CDC14A: variants seen among roughly 807,000 people sequenced by gnomAD.
CDC14A encodes the protein dual specificity protein phosphatase CDC14A.
Under a neutral mutation model 74.4 loss-of-function variants are expected in CDC14A, and 53 were observed. The ratio of observed to expected loss-of-function variants is 0.71; its 90% CI spans 0.57 to 0.89. CDC14A has a LOEUF of 0.89. Among genes scored for constraint, CDC14A ranks in the 40% least tolerant of loss-of-function variants. The probability of loss-of-function intolerance (pLI) is 0.00; values close to 1 mark genes in which losing one functional copy is unlikely to be tolerated. For synonymous variants in CDC14A, 247 were observed against 258.4 expected (o/e 0.96, Z 0.43); for missense variants, 646 against 713.7 (o/e 0.91, Z 1.08).
chr1:100,442,894 C>G (rs758710898), intron 6 of CDC14A, 40 bp from the exon 7 acceptor site: 2 of 1,308,056 alleles, frequency 1.5e-6, no homozygotes, highest in Non-Finnish European at 2.2e-6. Context: ...TAGAGTTTAT[C>G]AATTTAGCAT....
intron 3 of CDC14A, among the ~76,000 whole-genome samples, chr1:100,390,515 A>G (rs1461929817): frequency 6.6e-6 from 1 of 152,166 alleles, no homozygotes; most frequent in Non-Finnish European, 1.5e-5. Context: ...GGAGAGAAAG[A>G]TATTAATTAT....
intron 5 of CDC14A, among the ~76,000 whole-genome samples, chr1:100,429,206 A>AAAAAAAATAAATAAATAAAT (rs1553182243): frequency 8.8e-6 from 1 of 113,418 alleles, no homozygotes; most frequent in African/African-American, 5.2e-5. Flanking sequence ...TCCATCTCAA[A>AAAAAAAATAAATAAATAAAT]AAATAAATAA....
At chr1:100,374,299 A>G (rs1347534605) in intron 2 of CDC14A, among the ~76,000 whole-genome samples, 4 of 152,166 alleles carry the variant, frequency 2.6e-5, no homozygotes, top group African/African-American at 7.2e-5. Flanking sequence ...AGCATGATTT[A>G]TAGTCCTTTG....
intron 4 of CDC14A, among the ~76,000 whole-genome samples, chr1:100,407,764 T>G (rs1211124842): frequency 6.6e-6 from 1 of 152,192 alleles, no homozygotes; most frequent in Non-Finnish European, 1.5e-5. Flanking sequence ...GTCTCACTCG[T>G]ATTTGTATCT....
At chr1:100,491,962 C>T (rs1027090637) in intron 11 of CDC14A, among the ~76,000 whole-genome samples, 3 of 150,558 alleles carry the variant, frequency 2.0e-5, no homozygotes, top group South Asian at 2.1e-4. Context: ...CAGTGGCCCG[C>T]GAGGCTCATC....
intron 8 of CDC14A, among the ~76,000 whole-genome samples, chr1:100,459,126 C>CACACACAGAGAGAGAG (rs1279905046): frequency 2.1e-5 from 3 of 144,576 alleles, no homozygotes; most frequent in African/African-American, 7.8e-5. Context: ...CACACACACA[C>CACACACAGAGAGAGAG]AGAGAGAGAG....
chr1:100,428,293 A>G (rs2101090833), intron 5 of CDC14A, among the ~76,000 whole-genome samples: 1 of 152,256 alleles, frequency 6.6e-6, no homozygotes, highest in South Asian at 2.1e-4. Flanking sequence ...GTTCTGTTGA[A>G]TTGGAGGGTA....
In CDC14A at chr1:100,456,640, T is replaced by TA. The variant is rs11298645; in HGVS notation, c.607+1161dup. Reference sequence around the variant, plus strand: ...GGCAACATAGCAAAACCCTGTCTCTTAAAAAAAAAAAAAGATTTATTTTTC... The same window carrying TA: ...GGCAACATAGCAAAACCCTGTCTCTTAAAAAAAAAAAAAAGATTTATTTTTC... On this transcript the variant is annotated intron_variant, in intron 8 of 15. Transcript: ENST00000336454. Among the ~76,000 whole-genome samples, 977 of 145,696 alleles carry TA rather than the reference T, an allele frequency of 6.7e-3. 18 individuals carry two copies. Among genetic ancestry groups the TA allele is most frequent in the African/African-American group, 0.022 (901 of 40,274 alleles).
chr1:100,497,351 A>G (rs958431070), intron 13 of CDC14A, among the ~76,000 whole-genome samples: 2 of 152,224 alleles, frequency 1.3e-5, no homozygotes, highest in South Asian at 4.1e-4. Context: ...AACTCAAGGC[A>G]TTCTTATGTA....
At chr1:100,366,787 A>G (rs998064199) in intron 2 of CDC14A, among the ~76,000 whole-genome samples, 1 of 152,212 alleles carries the variant, frequency 6.6e-6, no homozygotes, top group Admixed American at 6.5e-5. Flanking sequence ...ACACTTACTG[A>G]ATAAAAAGAT....
chr1:100,383,674 T>A (rs1249971860), intron 3 of CDC14A: 1 of 152,578 alleles, frequency 6.6e-6, no homozygotes, highest in East Asian at 1.9e-4. Context: ...TTGCGGTCCC[T>A]GTGCTGTGAT....
At chr1:100,346,761 TG>T (rs1271610703) in intron 1 of CDC14A, among the ~76,000 whole-genome samples, 1 of 152,244 alleles carries the variant, frequency 6.6e-6, no homozygotes, top group Non-Finnish European at 1.5e-5. Context: ...TTGACTACTC[TG>T]AAGTATATTG....
upstream of CDC14A, among the ~76,000 whole-genome samples, chr1:100,351,211 A>AC (rs970019941): frequency 2.0e-4 from 30 of 148,110 alleles, no homozygotes; most frequent in Admixed American, 1.0e-3. Flanking sequence ...ACACACATTA[A>AC]AAAAAAAAAA....
At chr1:100,443,598 G>C (rs1385275697) in intron 7 of CDC14A, among the ~76,000 whole-genome samples, 4 of 151,918 alleles carry the variant, frequency 2.6e-5, no homozygotes, top group Non-Finnish European at 1.5e-5. Context: ...GCCTCCCAAA[G>C]TGCTGGGATT....
intron 4 of CDC14A, 59 bp downstream of exon 4, chr1:100,390,883 C>T (rs748084346): frequency 8.1e-7 from 1 of 1,239,976 alleles, no homozygotes; most frequent in Non-Finnish European, 1.2e-6. Context: ...CTAACACTGT[C>T]AAAGAAAATC....
At chr1:100,449,986 C>A (rs1665966147) in intron 7 of CDC14A, among the ~76,000 whole-genome samples, 9 of 151,876 alleles carry the variant, frequency 5.9e-5, no homozygotes, top group Admixed American at 5.2e-4. Flanking sequence ...TTATCAGCAG[C>A]CAATCTATGC....
Position 100,404,622 on chromosome 1 carries a change from A to G in CDC14A, c.309+13798A>G, listed in dbSNP as rs556887485. On this transcript the variant is annotated intron_variant, in intron 4 of 15. Transcript: ENST00000336454. The stretch of plus-strand genomic sequence containing the variant: ...GAGGCGGGTGGATCATGAGGTCAGG[A>G]GATAGAGACCATCCTGGCTAACATG... 5.0e-4 allele frequency among the ~76,000 whole-genome samples: 76 copies of G among 152,234 alleles called. 1 individual carries two copies. The South Asian group carries it at 6.7e-3, about 13-fold the overall frequency.
chr1:100,484,210 ACAT>A, intron 10 of CDC14A, 79 bp from the exon 11 acceptor site: 1 of 681,918 alleles, frequency 1.5e-6, no homozygotes, highest in South Asian at 3.1e-5. Flanking sequence ...CCTTTATAAG[ACAT>A]CATACCTTTG....
In CDC14A at chr1:100,353,810, A is replaced by G. The variant is rs796559022; in HGVS notation, c.98A>G (p.Asn33Ser). 4 of 1,609,840 alleles carry G rather than the reference A, an allele frequency of 2.5e-6. No individual in the cohort carries two copies. The highest frequency in any genetic ancestry group is 4.5e-5 in the East Asian group (2 of 44,872). The stretch of plus-strand genomic sequence containing the variant: ...AGGAATAGACCAAAAAGCACAGTAA[A>G]TACCCACTATTTCTCCATCGATGAG... ...TLRNRPKSTV[N>S]THYFSIDEEL... is the part of the protein sequence containing the mutation. Residue 33 changes from asparagine (N) to serine (S), a missense_variant, in exon 2 of 16, where the codon AAT (asparagine) becomes AGT (serine). Physicochemically the swap from Asn to Ser is conservative, Grantham distance 46. Coordinates refer to ENST00000336454, the MANE Select transcript of CDC14A (RefSeq NM_003672.4).
Sources: allele counts gnomAD v4.1 joint callset (sites outside exome capture counted in the v4.1 genomes callset), GRCh38; gene constraint gnomAD v4.1.1; transcripts MANE v1.5; gene names NCBI Gene and HGNC (gene_info 2026-07-23, HGNC 2026-07-21).